Variants in CLIC5 observed in about 807,000 individuals in gnomAD.
CLIC5 encodes the protein chloride intracellular channel protein 5.
Under a neutral mutation model 24.7 loss-of-function variants are expected in CLIC5, and 20 were observed. The observed-to-expected ratio is 0.81, with a 90% confidence interval of 0.57 to 1.18. CLIC5 has a LOEUF of 1.18. CLIC5 is among the 50% of genes most tolerant of loss of function. The pLI is 0.00. For missense variants in CLIC5, 341 were observed against 326.1 expected (o/e 1.05, Z -0.35); for synonymous variants, 159 against 135.6 (o/e 1.17, Z -1.20).
intron 1 of CLIC5, among the ~76,000 whole-genome samples, chr6:45,980,048 C>A (rs1765519009): frequency 1.5e-5 from 2 of 130,090 alleles, no homozygotes; most frequent in Admixed American, 9.6e-5. Flanking sequence ...ACAGTTAAGT[C>A]TTTAATCCAT....
At chr6:46,121,114 C>T in the CLIC5 span, among the ~76,000 whole-genome samples, 6 of 151,776 alleles carry the variant, frequency 4.0e-5, no homozygotes, top group Non-Finnish European at 2.9e-5. Flanking sequence ...AGAACAACTC[C>T]GAGACACATC....
At chr6:45,993,051 G>T (rs1765999243) in intron 1 of CLIC5, among the ~76,000 whole-genome samples, 1 of 152,184 alleles carries the variant, frequency 6.6e-6, no homozygotes, top group African/African-American at 2.4e-5. Flanking sequence ...CAAGAAAGCA[G>T]TTCTGGTCCA....
chr6:45,981,645 G>T (rs2127414519), intron 1 of CLIC5, among the ~76,000 whole-genome samples: 1 of 152,278 alleles, frequency 6.6e-6, no homozygotes, highest in Non-Finnish European at 1.5e-5. Context: ...CTTTCATATT[G>T]CTGTTCAGTT....
At chr6:46,080,600 A>G (rs1295909347), upstream of CLIC5, among the ~76,000 whole-genome samples, 1 of 152,204 alleles carries the variant, frequency 6.6e-6, no homozygotes, top group African/African-American at 2.4e-5. Context: ...TTGAATATGT[A>G]GCCATTTTTC....
At position 45,892,897 on chromosome 6, in the gene CLIC5, C is replaced by A. The variant is rs935570232; in HGVS notation, c.624-11709G>T. 2.0e-5 allele frequency among the ~76,000 whole-genome samples: 3 copies of A among 152,098 alleles called. No homozygotes were observed. The East Asian group carries it at 5.8e-4, about 29-fold the overall frequency. On this transcript the variant is annotated intron_variant, in intron 6 of 6. Transcript: ENST00000644324. Reference sequence around the variant, plus strand: ...TTCTGCCTTGATGCATTTATAGGAGCTTTTATTATTGACTTTGGAGCTCCT... The same window carrying A: ...TTCTGCCTTGATGCATTTATAGGAGATTTTATTATTGACTTTGGAGCTCCT...
chr6:45,974,964 TAC>T (rs1247019167), intron 1 of CLIC5, among the ~76,000 whole-genome samples: 7 of 152,168 alleles, frequency 4.6e-5, no homozygotes, highest in African/African-American at 1.7e-4. Flanking sequence ...TGAAAGAACT[TAC>T]AGTTTTCAGA....
intron 2 of CLIC5, among the ~76,000 whole-genome samples, chr6:45,954,129 C>T (rs1313469155): frequency 6.6e-6 from 1 of 151,788 alleles, no homozygotes; most frequent in Non-Finnish European, 1.5e-5. Flanking sequence ...CAAAAATTAG[C>T]CTGTCATGGT....
chr6:46,112,530 GC>G, the CLIC5 span, among the ~76,000 whole-genome samples: 2 of 152,066 alleles, frequency 1.3e-5, no homozygotes. Flanking sequence ...TCTGTGGTTT[GC>G]CCCCCACGTG....
chr6:45,936,609 C>A (rs1335418325), intron 4 of CLIC5, among the ~76,000 whole-genome samples: 1 of 152,080 alleles, frequency 6.6e-6, no homozygotes, highest in Non-Finnish European at 1.5e-5. Flanking sequence ...TGAGGCATTA[C>A]AGAGTTGAAG....
chr6:46,023,388 G>C (rs1304217136), intron 1 of CLIC5, among the ~76,000 whole-genome samples: 1 of 152,218 alleles, frequency 6.6e-6, no homozygotes, highest in Non-Finnish European at 1.5e-5. Flanking sequence ...CCAAGGTCAT[G>C]TGGATAGTTA....
chr6:46,023,305 C>A (rs1042372716), intron 1 of CLIC5, among the ~76,000 whole-genome samples: 3 of 152,074 alleles, frequency 2.0e-5, no homozygotes, highest in African/African-American at 7.2e-5. Flanking sequence ...TCTATAATAA[C>A]CCTATGAGGT....
At chr6:45,888,558 GC>G (rs1300988836) in intron 6 of CLIC5, among the ~76,000 whole-genome samples, 1 of 152,108 alleles carries the variant, frequency 6.6e-6, no homozygotes, top group Non-Finnish European at 1.5e-5. Flanking sequence ...GCCTAAAGAT[GC>G]CTTAAACAGC....
At chr6:46,004,654 T>C (rs1324869359) in intron 1 of CLIC5, among the ~76,000 whole-genome samples, 1 of 150,554 alleles carries the variant, frequency 6.6e-6, no homozygotes, top group Non-Finnish European at 1.5e-5. Flanking sequence ...GTGAAGACTG[T>C]AGTTTGCAAA....
chr6:46,025,361 C>T (rs529262103), intron 1 of CLIC5, among the ~76,000 whole-genome samples: 208 of 152,272 alleles, frequency 1.4e-3, no homozygotes, highest in Non-Finnish European at 2.4e-3. Flanking sequence ...TCACTTAATC[C>T]CTCACTGCAA....
intron 1 of CLIC5, among the ~76,000 whole-genome samples, chr6:46,036,401 C>T (rs550319027): frequency 6.6e-5 from 10 of 150,860 alleles, no homozygotes; most frequent in African/African-American, 2.4e-4. Context: ...AGCTCTGCCT[C>T]CCAGGTTCAC....
chr6:45,949,413 T>G (rs747194969), intron 2 of CLIC5, 32 bp from the exon 3 acceptor site: 2 of 1,601,928 alleles, frequency 1.2e-6, no homozygotes, highest in Admixed American at 3.4e-5. Flanking sequence ...GGTGTTGGCT[T>G]ACAGCAGGGT....
At chr6:45,885,644 A>T (rs1015648686) in intron 6 of CLIC5, among the ~76,000 whole-genome samples, 1 of 152,214 alleles carries the variant, frequency 6.6e-6, no homozygotes, top group Admixed American at 6.5e-5. Context: ...AATTCTCCGG[A>T]CATCTTCTGA....
intron 1 of CLIC5, among the ~76,000 whole-genome samples, chr6:46,004,669 GT>G (rs1365771617): frequency 6.6e-6 from 1 of 152,178 alleles, no homozygotes; most frequent in East Asian, 1.9e-4. Context: ...TGCAAAAGGG[GT>G]TCATGTTTCT....
intron 2 of CLIC5, among the ~76,000 whole-genome samples, chr6:45,951,807 T>C (rs997472449): frequency 3.3e-5 from 5 of 152,076 alleles, no homozygotes; most frequent in African/African-American, 1.2e-4. Context: ...GAGTCTGTAA[T>C]GAAACAAATT....
Sources: allele counts gnomAD v4.1 joint callset (sites outside exome capture counted in the v4.1 genomes callset), GRCh38; gene constraint gnomAD v4.1.1; transcripts MANE v1.5; gene names NCBI Gene and HGNC (gene_info 2026-07-23, HGNC 2026-07-21).